Variants in SPRED1 observed in about 807,000 individuals in gnomAD.
SPRED1 encodes sprouty-related, EVH1 domain-containing protein 1.
A neutral mutation model predicts 52.3 loss-of-function variants in SPRED1; 18 were observed. The observed-to-expected ratio is 0.34, with a 90% confidence interval of 0.24 to 0.51. SPRED1 has a LOEUF of 0.51. Among genes scored for constraint, SPRED1 ranks in the 20% least tolerant of loss-of-function variants. The pLI, the probability that SPRED1 is intolerant of heterozygous loss-of-function variation, is 0.97. For missense variants in SPRED1, 485 were observed against 551.0 expected (o/e 0.88, Z 1.20); for synonymous variants, 155 against 179.7 (o/e 0.86, Z 1.10).
chr15:38,257,463 C>CT (rs557865506), intron 1 of SPRED1, among the ~76,000 whole-genome samples: 1,642 of 151,018 alleles, frequency 0.011, 29 homozygotes, highest in African/African-American at 0.036. Context: ...GAAGGCTTAC[C>CT]TTTTTTTTTA....
At chr15:38,332,619 C>G (rs1165853148) in intron 4 of SPRED1, among the ~76,000 whole-genome samples, 1 of 152,254 alleles carries the variant, frequency 6.6e-6, no homozygotes, top group South Asian at 2.1e-4. Context: ...AAGGAGCTCT[C>G]TCTATACACT....
In SPRED1 at chr15:38,356,354, C is replaced by T. The variant is rs1297963468; in HGVS notation, c.*4690C>T. On this transcript the variant is annotated 3_prime_UTR_variant, in exon 7 of 7. Transcript: ENST00000299084. The stretch of plus-strand genomic sequence containing the variant: ...AAGTTTGTAACCATTTCTGTTACTT[C>T]ATACCCGTGTAATTGGACATAGCAG... The T allele has an allele frequency of 6.6e-6, 1 of 152,068 alleles. No homozygotes were observed. Among genetic ancestry groups the T allele is most frequent in the Admixed American group, 6.5e-5 (1 of 15,276 alleles). 9.4% of individuals were successfully genotyped at this position (152,068 alleles called of 1,614,324 possible). A position where few individuals can be genotyped will look rare whatever the true frequency, so the allele number is the denominator to read the frequency against.
chr15:38,308,640 G>T (rs958153823), intron 2 of SPRED1, among the ~76,000 whole-genome samples: 1 of 152,186 alleles, frequency 6.6e-6, no homozygotes, highest in Admixed American at 6.5e-5. Flanking sequence ...ATCATTCTCC[G>T]AGGGTTGATC....
At chr15:38,328,694 T>G (rs1412877833) in intron 4 of SPRED1, among the ~76,000 whole-genome samples, 1 of 152,108 alleles carries the variant, frequency 6.6e-6, no homozygotes, top group Non-Finnish European at 1.5e-5. Context: ...CTTTGACTAT[T>G]TTAATGAGAC....
intron 1 of SPRED1, among the ~76,000 whole-genome samples, chr15:38,268,592 TA>T (rs771115783): frequency 6.6e-6 from 1 of 152,312 alleles, no homozygotes; most frequent in African/African-American, 2.4e-5. Context: ...GGGAATAGCC[TA>T]AACATTTAAA....
rs1888530195 is a variant in SPRED1 at position 38,353,102 on chromosome 15, G to A, written c.*1438G>A. ...TCTAACCAAGGAAAGGGTTCTTTAA[G>A]AACATTCCCTTAGAGGGATAAAGTT... On this transcript the variant is annotated 3_prime_UTR_variant, in exon 7 of 7. Transcript: ENST00000299084. The A allele has an allele frequency of 6.6e-6, 1 of 152,262 alleles. No individual in the cohort carries two copies. Among genetic ancestry groups the A allele is most frequent in the South Asian group, 2.1e-4 (1 of 4,816 alleles). 9.4% of individuals were successfully genotyped at this position (152,262 alleles called of 1,614,324 possible).
intron 2 of SPRED1, among the ~76,000 whole-genome samples, chr15:38,301,049 G>T (rs1298126621): frequency 2.6e-5 from 4 of 152,070 alleles, no homozygotes; most frequent in Non-Finnish European, 5.9e-5. Context: ...AAAAATGCTT[G>T]CTCGAAAAAT....
At chr15:38,287,519 A>T (rs1465188972) in intron 1 of SPRED1, among the ~76,000 whole-genome samples, 1 of 152,152 alleles carries the variant, frequency 6.6e-6, no homozygotes, top group East Asian at 1.9e-4. Flanking sequence ...CCACTTAAAA[A>T]AATGTCCATC....
intron 1 of SPRED1, among the ~76,000 whole-genome samples, chr15:38,276,105 G>A (rs952313014): frequency 8.5e-5 from 13 of 152,070 alleles, no homozygotes; most frequent in Admixed American, 7.2e-4. Context: ...AGTCATTGCA[G>A]TGCCAGAAAT....
rs773409045 is a variant in SPRED1, at chr15:38,351,517, C to T, written c.1188C>T (p.Ser396=). 5.6e-6 allele frequency: 9 copies of T among 1,613,952 alleles called. No homozygotes were observed. Among genetic ancestry groups the T allele is most frequent in the East Asian group, 2.2e-5 (1 of 44,894 alleles). The stretch of plus-strand genomic sequence containing the variant: ...CTGATCCCTGTTCGTGTGACACTAG[C>T]GACGACAAGTTCTGCTTGCGATGGT... ...DFSDPCSCDT[S]DDKFCLRWLA... is the part of the protein sequence containing the mutation. The change falls in exon 7 of 7, where the codon AGC becomes AGT. Residue 396 remains serine, a synonymous_variant. Transcript: ENST00000299084.
At chr15:38,329,170 C>T (rs1390483711) in intron 4 of SPRED1, among the ~76,000 whole-genome samples, 1 of 152,058 alleles carries the variant, frequency 6.6e-6, no homozygotes, top group Non-Finnish European at 1.5e-5. Flanking sequence ...TCACAACAGG[C>T]TTGAGGTTGA....
chr15:38,312,434 TGCC>T (rs1895388305), intron 2 of SPRED1, among the ~76,000 whole-genome samples: 1 of 152,132 alleles, frequency 6.6e-6, no homozygotes, highest in South Asian at 2.1e-4. Context: ...TTTTTTAGTG[TGCC>T]TACCAGGAGT....
intron 1 of SPRED1, among the ~76,000 whole-genome samples, chr15:38,267,234 T>C (rs1248283809): frequency 2.6e-4 from 3 of 11,438 alleles, no homozygotes; most frequent in African/African-American, 2.8e-4. Flanking sequence ...TTTTAAATAA[T>C]CATTTTAGTA....
At chr15:38,317,676 A>G (rs1405783882) in intron 2 of SPRED1, among the ~76,000 whole-genome samples, 1 of 152,004 alleles carries the variant, frequency 6.6e-6, no homozygotes, top group Non-Finnish European at 1.5e-5. Flanking sequence ...GAAAATAGCC[A>G]GCAGAATTCA....
At chr15:38,264,561 A>ATC (rs1300859222) in intron 1 of SPRED1, among the ~76,000 whole-genome samples, 2 of 58,840 alleles carry the variant, frequency 3.4e-5, no homozygotes, top group Non-Finnish European at 1.1e-4. Context: ...ATCTGCTAAA[A>ATC]TGTTTTTTTT....
At position 38,339,863 on chromosome 15, in the gene SPRED1, A is replaced by C; in HGVS notation, c.550A>C (p.Arg184=). Residue 184 remains arginine, a synonymous_variant, in exon 5 of 7, where the codon AGA becomes CGA. Coordinates refer to ENST00000299084, the MANE Select transcript of SPRED1 (RefSeq NM_152594.3). ...RPSPFEDLNA[R]RVYMQSQANQ... Reference sequence around the variant, plus strand: ...TTCTCCCTTTGAAGATCTGAATGCCAGAAGAGTCTACATGCAAAGCCAAGC... The same window carrying C: ...TTCTCCCTTTGAAGATCTGAATGCCCGAAGAGTCTACATGCAAAGCCAAGC... 6.2e-7 allele frequency: 1 copy of C among 1,613,978 alleles called. No homozygotes were observed. The highest frequency in any genetic ancestry group is 8.5e-7 in the Non-Finnish European group (1 of 1,179,922).
chr15:38,278,853 A>G (rs1380101623), intron 1 of SPRED1, among the ~76,000 whole-genome samples: 1 of 107,164 alleles, frequency 9.3e-6, no homozygotes, highest in Non-Finnish European at 1.9e-5. Flanking sequence ...TGTGAAATGA[A>G]GTCTCACTCT....
intron 4 of SPRED1, among the ~76,000 whole-genome samples, chr15:38,333,848 C>T (rs1895855232): frequency 6.6e-6 from 1 of 152,100 alleles, no homozygotes; most frequent in Non-Finnish European, 1.5e-5. Context: ...ACTGCCCAAA[C>T]ATCCATAGAC....
intron 1 of SPRED1, among the ~76,000 whole-genome samples, chr15:38,263,720 G>T (rs1222511454): frequency 6.6e-6 from 1 of 152,140 alleles, no homozygotes; most frequent in East Asian, 1.9e-4. Context: ...TAGGTTGAGG[G>T]TGTCCAATCT....
Sources: gnomAD v4.1 joint callset for allele counts (sites outside exome capture counted in the v4.1 genomes callset) on GRCh38, gnomAD v4.1.1 for gene constraint, MANE v1.5 for transcripts, NCBI Gene and HGNC (gene_info 2026-07-23, HGNC 2026-07-21) for gene names.